PARD3: variants seen among roughly 807,000 people sequenced by gnomAD.
The protein encoded by PARD3 is par-3 family cell polarity regulator.
A neutral mutation model predicts 155.4 loss-of-function variants in PARD3; 75 were observed. The ratio of observed to expected loss-of-function variants is 0.48; its 90% CI spans 0.40 to 0.58. The LOEUF is 0.58. Ranked by LOEUF, PARD3 falls within the 20% of genes least tolerant of loss-of-function variation. The probability of loss-of-function intolerance (pLI) is 0.00; values close to 1 mark genes in which losing one functional copy is unlikely to be tolerated. For missense variants in PARD3, 1,642 were observed against 1,721.7 expected, an observed-to-expected ratio of 0.95 and a Z score of 0.82; for synonymous variants, 576 against 610.5, an observed-to-expected ratio of 0.94 and a Z score of 0.83.
intron 1 of PARD3, among the ~76,000 whole-genome samples, chr10:34,752,018 A>T (rs1045737849): frequency 6.6e-6 from 1 of 152,136 alleles, no homozygotes; most frequent in African/African-American, 2.4e-5. Flanking sequence ...GAGAACGGGA[A>T]GTAAAGTTGG....
intron 3 of PARD3, among the ~76,000 whole-genome samples, chr10:34,513,076 AT>A (rs1363466312): frequency 6.6e-6 from 1 of 152,134 alleles, no homozygotes. Flanking sequence ...TTTCATACTC[AT>A]TTTTTGTCTT....
chr10:34,538,094 C>T (rs1033852267), intron 2 of PARD3, among the ~76,000 whole-genome samples: 3 of 152,124 alleles, frequency 2.0e-5, no homozygotes, highest in South Asian at 2.1e-4. Context: ...ATTGTTTAGC[C>T]GAGATCCGCC....
At chr10:34,340,114 T>A (rs900045202) in intron 16 of PARD3, among the ~76,000 whole-genome samples, 1 of 152,142 alleles carries the variant, frequency 6.6e-6, no homozygotes. Context: ...TGCCCCACAT[T>A]CCCCACAGCA....
At chr10:34,681,768 ATTTTTTTTTTTTTTT>A (rs56661701) in intron 2 of PARD3, among the ~76,000 whole-genome samples, 12 of 17,398 alleles carry the variant, frequency 6.9e-4, no homozygotes, top group African/African-American at 2.7e-3. Context: ...ATATATATAT[ATTTTTTTTTTTTTTT>A]TTTTTTTTTT....
intron 19 of PARD3, among the ~76,000 whole-genome samples, chr10:34,330,707 TA>T (rs941016863): frequency 6.6e-6 from 1 of 152,182 alleles, no homozygotes; most frequent in African/African-American, 2.4e-5. Flanking sequence ...GGGAAAGTTT[TA>T]AAATATTACT....
chr10:34,232,600 T>C (rs1184345335), intron 22 of PARD3, among the ~76,000 whole-genome samples: 1 of 152,184 alleles, frequency 6.6e-6, no homozygotes, highest in Non-Finnish European at 1.5e-5. Context: ...AAAGGAATAT[T>C]GTGCAATACA....
At chr10:34,586,317 G>GA (rs1287627037) in intron 2 of PARD3, among the ~76,000 whole-genome samples, 1 of 152,168 alleles carries the variant, frequency 6.6e-6, no homozygotes, top group Non-Finnish European at 1.5e-5. Flanking sequence ...AATCTAGTAG[G>GA]ATAAGTAGGA....
In PARD3 at chr10:34,110,544, A is replaced by C. The variant is rs1946342359; in HGVS notation, c.*625T>G. 1.3e-5 allele frequency: 2 copies of C among 152,198 alleles called. No homozygotes were observed. The highest frequency in any genetic ancestry group is 2.9e-5 in the Non-Finnish European group (2 of 68,074). 9.4% of individuals were successfully genotyped at this position (152,198 alleles called of 1,614,324 possible). A position where few individuals can be genotyped will look rare whatever the true frequency, so the allele number is the denominator to read the frequency against. On this transcript the variant is annotated 3_prime_UTR_variant, in exon 25 of 25. Coordinates refer to ENST00000374788, the MANE Select transcript of PARD3 (RefSeq NM_001184785.2). Reference sequence around the variant, plus strand: ...ACTTTATTGGTAATGTTGAGTCATAAGGCAGTTACAAAAGGACCCCCATGG... The same window carrying C: ...ACTTTATTGGTAATGTTGAGTCATACGGCAGTTACAAAAGGACCCCCATGG...
chr10:34,452,183 T>G (rs1222313401), intron 4 of PARD3, among the ~76,000 whole-genome samples: 1 of 152,168 alleles, frequency 6.6e-6, no homozygotes, highest in Non-Finnish European at 1.5e-5. Flanking sequence ...TTTCCCACCA[T>G]TTGAGGTGAT....
At chr10:34,501,702 T>C (rs1426514888) in intron 3 of PARD3, among the ~76,000 whole-genome samples, 1 of 151,930 alleles carries the variant, frequency 6.6e-6, no homozygotes, top group East Asian at 1.9e-4. Context: ...TAAAATGTGG[T>C]AGGCAAAATA....
intron 2 of PARD3, among the ~76,000 whole-genome samples, chr10:34,605,395 A>C (rs1235940471): frequency 1.4e-5 from 2 of 147,914 alleles, no homozygotes; most frequent in African/African-American, 2.5e-5. Flanking sequence ...GGGTTTCATC[A>C]TGTTAGCCAG....
At chr10:34,511,170 G>GT (rs1476781306) in intron 3 of PARD3, among the ~76,000 whole-genome samples, 1 of 152,116 alleles carries the variant, frequency 6.6e-6, no homozygotes, top group Non-Finnish European at 1.5e-5. Flanking sequence ...CACCCCTATC[G>GT]TGTTCACATG....
intron 1 of PARD3, among the ~76,000 whole-genome samples, chr10:34,734,821 T>C (rs2094883627): frequency 6.6e-6 from 1 of 152,136 alleles, no homozygotes; most frequent in Non-Finnish European, 1.5e-5. Flanking sequence ...AGGTGAGGCC[T>C]TCTTAAGCAA....
At position 34,469,055 on chromosome 10, in the gene PARD3, A is replaced by G. The variant is rs187808297; in HGVS notation, c.582+1030T>C. On this transcript the variant is annotated intron_variant, in intron 4 of 24. Transcript: ENST00000374788. The stretch of plus-strand genomic sequence containing the variant: ...ACAGATTCAGCAAAAAGCACATTAA[A>G]TAAGAGGTGAGAAGCGTGACAAAAA... Among the ~76,000 whole-genome samples, 177 of 152,348 alleles carry G rather than the reference A, an allele frequency of 1.2e-3. 1 individual carries two copies. The highest frequency in any genetic ancestry group is 1.8e-3 in the Non-Finnish European group (123 of 68,026).
At chr10:34,716,584 TC>T (rs1373881268) in intron 1 of PARD3, among the ~76,000 whole-genome samples, 836 of 78,450 alleles carry the variant, frequency 0.011, 10 homozygotes, top group African/African-American at 0.031. Flanking sequence ...GGATGGCTTT[TC>T]TTTTTTTTTT....
chr10:34,482,230 T>C (rs1309670377), intron 3 of PARD3, among the ~76,000 whole-genome samples: 1 of 151,744 alleles, frequency 6.6e-6, no homozygotes, highest in Non-Finnish European at 1.5e-5. Context: ...AGACAGGGTC[T>C]CACTTCGTTG....
intron 2 of PARD3, among the ~76,000 whole-genome samples, chr10:34,666,982 A>T (rs2093501887): frequency 2.0e-5 from 3 of 151,980 alleles, no homozygotes; most frequent in Non-Finnish European, 2.9e-5. Flanking sequence ...CAGCCTGGCC[A>T]ACGTGGTGAA....
chr10:34,237,887 T>C (rs2133623533), intron 22 of PARD3, among the ~76,000 whole-genome samples: 1 of 152,270 alleles, frequency 6.6e-6, no homozygotes, highest in Non-Finnish European at 1.5e-5. Flanking sequence ...TCAGGCCAAA[T>C]GATGGGAAGG....
intron 22 of PARD3, among the ~76,000 whole-genome samples, chr10:34,224,028 T>C (rs957087015): frequency 2.0e-5 from 3 of 152,210 alleles, no homozygotes; most frequent in Non-Finnish European, 4.4e-5. Context: ...TCTTAAACCT[T>C]GAGGGTGTAC....
Sources: gnomAD v4.1 joint callset for allele counts (sites outside exome capture counted in the v4.1 genomes callset) on GRCh38, gnomAD v4.1.1 for gene constraint, MANE v1.5 for transcripts, NCBI Gene and HGNC (gene_info 2026-07-23, HGNC 2026-07-21) for gene names.